The following VRK2 variants were observed in gnomAD, a reference collection of about 807,000 sequenced individuals.
VRK2 encodes the protein VRK serine/threonine kinase 2, also known as serine/threonine-protein kinase VRK2.
In VRK2, 60 loss-of-function variants were observed where a neutral mutation model predicts 57.6. The observed-to-expected ratio is 1.04, with a 90% CI of 0.85 to 1.29. VRK2 has a LOEUF of 1.29. VRK2 is among the 50% of genes most tolerant of loss of function. The probability of loss-of-function intolerance (pLI) is 0.00; values close to 1 mark genes in which losing one functional copy is unlikely to be tolerated. For synonymous variants in VRK2, 231 were observed against 199.2 expected, an observed-to-expected ratio of 1.16 and a Z score of -1.35; for missense variants, 705 against 588.1, an observed-to-expected ratio of 1.20 and a Z score of -2.06.
chr2:58,000,489 C>T (rs965840659), intron 1 of VRK2, among the ~76,000 whole-genome samples: 4 of 152,118 alleles, frequency 2.6e-5, no homozygotes, highest in Non-Finnish European at 2.9e-5. Flanking sequence ...TCTTGAAAGG[C>T]ATTATAACTA....
chr2:58,095,152 G>C (rs542110257), intron 7 of VRK2, among the ~76,000 whole-genome samples: 2 of 152,180 alleles, frequency 1.3e-5, no homozygotes, highest in Admixed American at 6.5e-5. Flanking sequence ...AAATTATCCG[G>C]GCGTGGTGGC....
chr2:58,048,998 C>G, intron 2 of VRK2, 31 bp downstream of exon 2: 2 of 1,603,146 alleles, frequency 1.2e-6, no homozygotes, highest in Non-Finnish European at 1.7e-6. Context: ...AACAATTATT[C>G]TTATATCTGT....
intron 1 of VRK2, among the ~76,000 whole-genome samples, chr2:57,925,906 A>G (rs781060291): frequency 1.3e-5 from 2 of 151,956 alleles, no homozygotes; most frequent in Non-Finnish European, 2.9e-5. Context: ...ACTATATCCC[A>G]TAAATTTTGG....
intron 2 of VRK2, among the ~76,000 whole-genome samples, chr2:58,062,687 C>T (rs1284724316): frequency 6.6e-6 from 1 of 152,068 alleles, no homozygotes; most frequent in Non-Finnish European, 1.5e-5. Flanking sequence ...CTCTTCCATT[C>T]TGGGAAAGCT....
chr2:58,114,572 A>G (rs1676127277), intron 7 of VRK2, among the ~76,000 whole-genome samples: 1 of 152,154 alleles, frequency 6.6e-6, no homozygotes, highest in African/African-American at 2.4e-5. Flanking sequence ...CGAAAGTGGT[A>G]AAAGTATTGT....
chr2:58,041,964 T>C (rs894030427), upstream of VRK2, among the ~76,000 whole-genome samples: 4 of 152,054 alleles, frequency 2.6e-5, no homozygotes, highest in African/African-American at 9.7e-5. Flanking sequence ...CCAATGTACA[T>C]TTTACAAGTA....
chr2:57,997,252 A>G (rs1672953552), intron 1 of VRK2, among the ~76,000 whole-genome samples: 1 of 152,116 alleles, frequency 6.6e-6, no homozygotes, highest in African/African-American at 2.4e-5. Flanking sequence ...TGATAACTAG[A>G]TCTAGATATA....
At chr2:58,096,714 T>A (rs982825285) in intron 7 of VRK2, among the ~76,000 whole-genome samples, 5 of 151,798 alleles carry the variant, frequency 3.3e-5, no homozygotes, top group Non-Finnish European at 7.4e-5. Context: ...TATTATTAAT[T>A]TCTGACTTTT....
Position 58,159,825 on chromosome 2 carries a change from CAA to C in VRK2, c.*134_*135del. On this transcript the variant is annotated 3_prime_UTR_variant, in exon 13 of 13. Coordinates refer to ENST00000340157, the MANE Select transcript of VRK2 (RefSeq NM_006296.7). ...GCTTTAAAAAGAGAACATATTTTAA[CAA>C]AGTTTGTGGACACTCTAAAAAATAA... 6 of 1,611,520 alleles carry C rather than the reference CAA, an allele frequency of 3.7e-6. No homozygotes were observed. The highest frequency in any genetic ancestry group is 5.1e-6 in the Non-Finnish European group (6 of 1,179,074).
chr2:57,971,603 G>C (rs767970955), intron 1 of VRK2, among the ~76,000 whole-genome samples: 2 of 151,664 alleles, frequency 1.3e-5, no homozygotes, highest in African/African-American at 2.4e-5. Flanking sequence ...TTTTGAAAGA[G>C]TACTTTGTAG....
chr2:58,003,291 A>G (rs1335139769), intron 1 of VRK2, among the ~76,000 whole-genome samples: 1 of 152,290 alleles, frequency 6.6e-6, no homozygotes. Context: ...GTTCCATATA[A>G]TGTATCTTGA....
In VRK2 at chr2:58,040,891, G is replaced by C. The variant is rs1006080704; in HGVS notation, c.-6+7338G>C. On this transcript the variant is annotated intron_variant, in intron 3 of 15. Coordinates refer to the VRK2 transcript ENST00000417641. Reference sequence around the variant, plus strand: ...TTAGAGGATGTTGTTGCAATTGCATGAAAGGTAAGCCTAAAAACATGACTT... The same window carrying C: ...TTAGAGGATGTTGTTGCAATTGCATCAAAGGTAAGCCTAAAAACATGACTT... Among the ~76,000 whole-genome samples, 115 of 152,300 alleles carry C rather than the reference G, an allele frequency of 7.6e-4. 1 individual carries two copies. Among genetic ancestry groups the C allele is most frequent in the African/African-American group, 2.6e-3 (109 of 41,562 alleles).
At chr2:57,974,916 A>G (rs943294440) in intron 1 of VRK2, among the ~76,000 whole-genome samples, 1 of 152,050 alleles carries the variant, frequency 6.6e-6, no homozygotes. Flanking sequence ...AAATTACATA[A>G]TAATAATGAA....
chr2:58,062,426 C>T (rs1199033354), intron 2 of VRK2, among the ~76,000 whole-genome samples: 1 of 151,994 alleles, frequency 6.6e-6, no homozygotes, highest in East Asian at 1.9e-4. Flanking sequence ...CACTTTAAAT[C>T]AAAAGCTAGA....
intron 3 of VRK2, 64 bp downstream of exon 3, chr2:58,084,202 A>G (rs1671296844): frequency 6.6e-7 from 1 of 1,514,292 alleles, no homozygotes; most frequent in Non-Finnish European, 9.0e-7. Context: ...TGCTTTAAGA[A>G]TGTTTTTCAC....
intron 4 of VRK2, among the ~76,000 whole-genome samples, chr2:58,085,198 T>G (rs1012301066): frequency 1.3e-5 from 2 of 151,940 alleles, no homozygotes; most frequent in East Asian, 3.9e-4. Context: ...AATGTTAGGT[T>G]GTTAATCTAA....
At chr2:57,939,074 A>C (rs1671010155) in intron 1 of VRK2, among the ~76,000 whole-genome samples, 1 of 152,220 alleles carries the variant, frequency 6.6e-6, no homozygotes, top group Non-Finnish European at 1.5e-5. Context: ...AAGAAAAGAC[A>C]AGAGTAGAAA....
chr2:57,986,181 G>C (rs921506272), intron 1 of VRK2, among the ~76,000 whole-genome samples: 1 of 151,650 alleles, frequency 6.6e-6, no homozygotes, highest in African/African-American at 2.4e-5. Context: ...CAGAAGAATA[G>C]TTAACTTGAA....
chr2:58,151,741 T>TTTTTTTTG (rs1683089266), intron 12 of VRK2, among the ~76,000 whole-genome samples: 2 of 99,586 alleles, frequency 2.0e-5, no homozygotes, highest in Non-Finnish European at 4.0e-5. Context: ...GTTTTTTTTT[T>TTTTTTTTG]TTTTTTTTTT....
Sources: allele counts gnomAD v4.1 joint callset (sites outside exome capture counted in the v4.1 genomes callset), GRCh38; gene constraint gnomAD v4.1.1; transcripts MANE v1.5; gene names NCBI Gene and HGNC (gene_info 2026-07-23, HGNC 2026-07-21).